CECR2: variants seen among roughly 807,000 people sequenced by gnomAD.
CECR2 encodes the protein CECR2 histone acetyl-lysine reader.
Under a neutral mutation model 154.5 loss-of-function variants are expected in CECR2, and 30 were observed. That is an observed-to-expected ratio of 0.19 (90% CI 0.15 to 0.26). CECR2 has a LOEUF of 0.26. Ranked by LOEUF, CECR2 falls within the 10% of genes least tolerant of loss-of-function variation. CECR2 has a pLI of 1.00. For synonymous variants in CECR2, 725 were observed against 683.7 expected (o/e 1.06, Z -0.94); for missense variants, 1,743 against 1,829.3 (o/e 0.95, Z 0.86).
intron 1 of CECR2, among the ~76,000 whole-genome samples, chr22:17,371,550 C>G (rs1452179624): frequency 1.3e-5 from 2 of 152,194 alleles, no homozygotes; most frequent in African/African-American, 2.4e-5. Context: ...AAGGATGTTT[C>G]TCAGTTACTC....
At chr22:17,364,764 T>A (rs1049302106), upstream of CECR2, among the ~76,000 whole-genome samples, 4 of 151,970 alleles carry the variant, frequency 2.6e-5, no homozygotes, top group African/African-American at 9.7e-5. Context: ...AAGGCAGAGG[T>A]TGCAGTGAGC....
chr22:17,508,319 G>A (rs1204983314), intron 7 of CECR2, among the ~76,000 whole-genome samples: 2 of 151,484 alleles, frequency 1.3e-5, no homozygotes, highest in Non-Finnish European at 2.9e-5. Context: ...ACTCAGTCAC[G>A]GACTCAGCAG....
intron 1 of CECR2, among the ~76,000 whole-genome samples, chr22:17,411,001 G>A (rs1029058125): frequency 5.9e-5 from 9 of 152,138 alleles, no homozygotes; most frequent in African/African-American, 1.4e-4. Flanking sequence ...GATTAGAACC[G>A]GTAGAGCCAA....
intron 8 of CECR2, among the ~76,000 whole-genome samples, chr22:17,522,272 T>G (rs184344088): frequency 4.3e-4 from 65 of 152,316 alleles, no homozygotes; most frequent in East Asian, 7.7e-4. Context: ...ATAGTTTTGT[T>G]TTACTTTGCT....
intron 2 of CECR2, among the ~76,000 whole-genome samples, chr22:17,494,088 C>G (rs1418607001): frequency 6.7e-6 from 1 of 149,978 alleles, no homozygotes; most frequent in Non-Finnish European, 1.5e-5. Context: ...AACACTTTTT[C>G]ATTTTCTTTC....
intron 4 of CECR2, among the ~76,000 whole-genome samples, chr22:17,500,068 A>G (rs1269086248): frequency 2.0e-5 from 3 of 152,076 alleles, no homozygotes; most frequent in African/African-American, 4.8e-5. Flanking sequence ...AAAATTAGCC[A>G]GGCGTGGTGG....
chr22:17,458,673 A>G (rs187118840), intron 1 of CECR2, among the ~76,000 whole-genome samples: 1 of 152,318 alleles, frequency 6.6e-6, no homozygotes, highest in African/African-American at 2.4e-5. Context: ...GTAAAATCTA[A>G]CAGAAAACAC....
chr22:17,502,912 G>A (rs566689860), intron 5 of CECR2, among the ~76,000 whole-genome samples, 170 bp from the exon 6 acceptor site: 28 of 152,318 alleles, frequency 1.8e-4, no homozygotes, highest in African/African-American at 6.7e-4. Context: ...CAGCATGCCT[G>A]CATCTTAGTG....
intron 1 of CECR2, among the ~76,000 whole-genome samples, chr22:17,475,403 T>A (rs1284465288): frequency 6.6e-6 from 1 of 152,136 alleles, no homozygotes; most frequent in Non-Finnish European, 1.5e-5. Flanking sequence ...CTGATTTGCT[T>A]AGTGCCCTTG....
chr22:17,500,021 C>A (rs1243320140), intron 4 of CECR2, among the ~76,000 whole-genome samples: 1 of 152,112 alleles, frequency 6.6e-6, no homozygotes. Flanking sequence ...ACCATCCTGG[C>A]TAATACGGTG....
At chr22:17,513,293 G>A (rs1283417585) in intron 8 of CECR2, among the ~76,000 whole-genome samples, 2 of 152,202 alleles carry the variant, frequency 1.3e-5, no homozygotes, top group African/African-American at 2.4e-5. Context: ...TATTTAAACA[G>A]TTCAGTGATC....
intron 8 of CECR2, 109 bp downstream of exon 8, chr22:17,512,005 A>C: frequency 1.2e-6 from 1 of 816,534 alleles, no homozygotes; most frequent in South Asian, 2.1e-5. Context: ...TTTTTCCTAA[A>C]CCCCAAATGT....
rs952720569 is a variant in CECR2, at chr22:17,427,446, C to T, written c.127-50142C>T. 2.6e-5 allele frequency among the ~76,000 whole-genome samples: 4 copies of T among 152,024 alleles called. No individual in the cohort carries two copies. The East Asian group carries it at 7.7e-4, about 29-fold the overall frequency. On this transcript the variant is annotated intron_variant, in intron 1 of 18. Coordinates refer to ENST00000262608, the MANE Select transcript of CECR2 (RefSeq NM_001290047.2). ...ATTCCTTCTGGTGGGTTCTTGGTCTCGCTGACTTCAAGAACGAAGCCGTGG... is the reference window on the plus strand; with the variant it reads ...ATTCCTTCTGGTGGGTTCTTGGTCTTGCTGACTTCAAGAACGAAGCCGTGG...
upstream of CECR2, among the ~76,000 whole-genome samples, chr22:17,368,642 G>T (rs911720407): frequency 1.3e-5 from 2 of 152,052 alleles, no homozygotes; most frequent in African/African-American, 4.8e-5. Context: ...CACAGTCCCC[G>T]GCTTCCCGAT....
chr22:17,423,464 G>A (rs1258147243), intron 1 of CECR2, among the ~76,000 whole-genome samples: 1 of 151,484 alleles, frequency 6.6e-6, no homozygotes, highest in African/African-American at 2.4e-5. Flanking sequence ...CCAAGATCGC[G>A]CCACTGCACT....
chr22:17,480,419 T>TAC (rs55977287), intron 2 of CECR2, among the ~76,000 whole-genome samples: 7,443 of 137,344 alleles, frequency 0.054, 214 homozygotes, highest in Middle Eastern at 0.089. Flanking sequence ...TCATGTATAA[T>TAC]ACACACACAC....
At chr22:17,440,795 T>G (rs1028309931) in intron 1 of CECR2, among the ~76,000 whole-genome samples, 2 of 152,214 alleles carry the variant, frequency 1.3e-5, no homozygotes, top group African/African-American at 4.8e-5. Context: ...AACATGATGA[T>G]TATACAATCA....
intron 8 of CECR2, among the ~76,000 whole-genome samples, chr22:17,520,163 A>G (rs1399624537): frequency 2.0e-5 from 3 of 152,200 alleles, no homozygotes; most frequent in Admixed American, 2.0e-4. Context: ...GTCCTTATTA[A>G]AATGTTAGAT....
chr22:17,508,589 G>GC (rs1191275291), intron 7 of CECR2, among the ~76,000 whole-genome samples: 1 of 151,928 alleles, frequency 6.6e-6, no homozygotes, highest in African/African-American at 2.4e-5. Flanking sequence ...CACCATCTAG[G>GC]AGTAATAGGC....
Sources: allele counts gnomAD v4.1 joint callset (sites outside exome capture counted in the v4.1 genomes callset), GRCh38; gene constraint gnomAD v4.1.1; transcripts MANE v1.5; gene names NCBI Gene and HGNC (gene_info 2026-07-23, HGNC 2026-07-21).